S100PBP: variants seen among roughly 807,000 people sequenced by gnomAD.
The protein encoded by S100PBP is S100P-binding protein.
In S100PBP, 15 loss-of-function variants were observed where a neutral mutation model predicts 39.9. The ratio of observed to expected loss-of-function variants is 0.38; its 90% CI spans 0.25 to 0.58. The LOEUF (loss-of-function observed/expected upper bound fraction) is 0.58, where lower values mean the gene tolerates loss of function less well. Among genes scored for constraint, S100PBP ranks in the 20% least tolerant of loss-of-function variants. S100PBP has a pLI of 0.70. For missense variants in S100PBP, 504 were observed against 487.3 expected (o/e 1.03, Z -0.32); for synonymous variants, 178 against 180.3 (o/e 0.99, Z 0.10).
rs555816836 is a variant in S100PBP, at chr1:32,829,357, C to T, written c.921-607C>T. ...CTCTAGAAAGCTATTTTCTGACTAA[C>T]CTTGAATTACTCAATAAATACTTTC... is the stretch of plus-strand genomic sequence containing the variant. On this transcript the variant is annotated intron_variant, in intron 4 of 6. Coordinates refer to ENST00000373475, the MANE Select transcript of S100PBP (RefSeq NM_022753.4). 7.2e-5 allele frequency among the ~76,000 whole-genome samples: 11 copies of T among 152,330 alleles called. No homozygotes were observed. The South Asian group carries it at 2.3e-3, about 32-fold the overall frequency.
chr1:32,827,372 A>T (rs138400566), intron 3 of S100PBP, among the ~76,000 whole-genome samples: 3 of 152,206 alleles, frequency 2.0e-5, no homozygotes, highest in African/African-American at 7.2e-5. Flanking sequence ...AAGATACAGC[A>T]CTAGCTCTGA....
chr1:32,821,514 G>T (rs560287247), intron 1 of S100PBP, among the ~76,000 whole-genome samples: 54 of 151,878 alleles, frequency 3.6e-4, no homozygotes, highest in Non-Finnish European at 6.0e-4. Flanking sequence ...TAGAGTTGGG[G>T]TTTCACCAGG....
At chr1:32,848,171 G>A (rs1640460609) in intron 5 of S100PBP, among the ~76,000 whole-genome samples, 1 of 152,134 alleles carries the variant, frequency 6.6e-6, no homozygotes, top group African/African-American at 2.4e-5. Context: ...GCCGAGTATG[G>A]TGGCGGGCAC....
chr1:32,826,680 G>A lies in S100PBP; in HGVS notation c.581G>A (p.Cys194Tyr), dbSNP rs1639343996. 3.1e-6 allele frequency: 5 copies of A among 1,614,158 alleles called. No individual in the cohort carries two copies. Among genetic ancestry groups the A allele is most frequent in the Non-Finnish European group, 4.2e-6 (5 of 1,180,026 alleles). Reference protein sequence around the residue: ...DGLSPNESKLCTESEGISPNN... With the variant: ...DGLSPNESKLYTESEGISPNN... ...CTTAGCCCAAATGAAAGCAAACTTT[G>A]TACTGAATCTGAAGGGATCAGCCCC... Residue 194 changes from cysteine to tyrosine, a missense_variant, in exon 3 of 7, where the codon TGT becomes TAT. Transcript: ENST00000373475.
intron 6 of S100PBP, among the ~76,000 whole-genome samples, chr1:32,855,409 G>GT (rs1363894126): frequency 2.6e-5 from 4 of 152,142 alleles, no homozygotes; most frequent in Admixed American, 6.5e-5. Flanking sequence ...AAATTTTACT[G>GT]TGAGTCTGTG....
chr1:32,829,918 G>A (rs1376023474), intron 4 of S100PBP, 46 bp from the exon 5 acceptor site: 2 of 1,366,322 alleles, frequency 1.5e-6, no homozygotes, highest in South Asian at 1.2e-5. Context: ...CTATATTCCT[G>A]TTTCTAATGG....
At chr1:32,816,910 A>C, upstream of S100PBP, 1 of 581,488 alleles carries the variant, frequency 1.7e-6, no homozygotes, top group Non-Finnish European at 3.1e-6. Context: ...CACGTCTGGC[A>C]CTTAATAGGG....
intron 1 of S100PBP, 90 bp from the exon 2 acceptor site, chr1:32,825,223 T>C (rs930653100): frequency 1.3e-5 from 2 of 152,178 alleles, no homozygotes; most frequent in Non-Finnish European, 2.9e-5. Flanking sequence ...AATTAATACA[T>C]CGAGCACCTT....
intron 5 of S100PBP, among the ~76,000 whole-genome samples, chr1:32,843,809 C>T (rs942992348): frequency 6.6e-6 from 1 of 151,566 alleles, no homozygotes; most frequent in African/African-American, 2.4e-5. Context: ...AGGATGGTCT[C>T]GATCTCCTGA....
Position 32,845,306 on chromosome 1 carries a change from G to T in S100PBP, c.1025-7773G>T, listed in dbSNP as rs1201250152. Among the ~76,000 whole-genome samples the T allele has an allele frequency of 2.0e-5, 3 of 152,198 alleles. No homozygotes were observed. In the East Asian group the frequency reaches 5.8e-4, roughly 29 times the overall value. ...AATAGAGACAGTAGCCGAGTGTTGT[G>T]GTGGCACATACTTGTAGTCCCAGCT... On this transcript the variant is annotated intron_variant, in intron 5 of 6. Coordinates refer to ENST00000373475, the MANE Select transcript of S100PBP (RefSeq NM_022753.4).
chr1:32,829,923 TA>T, intron 4 of S100PBP, 40 bp from the exon 5 acceptor site: 1 of 1,390,328 alleles, frequency 7.2e-7, no homozygotes, highest in Non-Finnish European at 1.0e-6. Context: ...TTCCTGTTTC[TA>T]ATGGGCTGTT....
intron 5 of S100PBP, among the ~76,000 whole-genome samples, chr1:32,852,562 T>G (rs11580896): frequency 0.04 from 6,070 of 152,256 alleles, 204 homozygotes; most frequent in Non-Finnish European, 0.066. Context: ...TTGCTGTCTT[T>G]TGTCTCTGGG....
Position 32,826,663 on chromosome 1 carries a change from A to G in S100PBP, c.564A>G (p.Pro188=). The G allele has an allele frequency of 6.2e-7, 1 of 1,614,204 alleles. No individual in the cohort carries two copies. The highest frequency in any genetic ancestry group is 1.1e-5 in the South Asian group (1 of 91,090). ...AGATGAGAGAAGATGGTCTTAGCCC[A>G]AATGAAAGCAAACTTTGTACTGAAT... ...GEEMREDGLS[P]NESKLCTESE... is the part of the protein sequence containing the mutation. The change falls in exon 3 of 7, where the codon CCA becomes CCG. Residue 188 remains proline (P), a synonymous_variant. Transcript: ENST00000373475.
intron 5 of S100PBP, 89 bp from the exon 6 acceptor site, chr1:32,852,990 G>GT (rs1236634330): frequency 1.1e-6 from 1 of 876,834 alleles, no homozygotes; most frequent in East Asian, 2.4e-5. Flanking sequence ...AACAGTGCCT[G>GT]TTTTCTCTTT....
intron 3 of S100PBP, 145 bp from the exon 4 acceptor site, chr1:32,827,848 C>A: frequency 1.1e-5 from 3 of 266,112 alleles, no homozygotes; most frequent in Non-Finnish European, 2.3e-5. Context: ...ATTTGAAGCA[C>A]TACTGTTATA....
intron 5 of S100PBP, among the ~76,000 whole-genome samples, chr1:32,850,873 A>G (rs543464321): frequency 8.7e-4 from 133 of 152,340 alleles, no homozygotes; most frequent in African/African-American, 3.1e-3. Flanking sequence ...CATTTAATAA[A>G]CGTTTTTCCT....
chr1:32,830,071 A>G lies in S100PBP; in HGVS notation c.1024+4A>G. The G allele has an allele frequency of 6.4e-7, 1 of 1,562,044 alleles. No homozygotes were observed. The highest frequency in any genetic ancestry group is 8.8e-7 in the Non-Finnish European group (1 of 1,133,128). On this transcript the variant is annotated splice_donor_region_variant and intron_variant, in intron 5 of 6. Transcript: ENST00000373475. The stretch of plus-strand genomic sequence containing the variant: ...GACCCAGAGGACACTAACCAAGGTA[A>G]CATGGTACCCAGAGAAAGGCATATA...
Position 32,855,909 on chromosome 1 carries a change from T to G in S100PBP, c.1113-15T>G. ...TGAAATAGCCTTCCTGTTTGTACTCTCCCTCTCTCGATAGAAACTACGCCC... is the reference window on the plus strand; with the variant it reads ...TGAAATAGCCTTCCTGTTTGTACTCGCCCTCTCTCGATAGAAACTACGCCC... On this transcript the variant is annotated splice_polypyrimidine_tract_variant and intron_variant, in intron 6 of 6. Transcript: ENST00000373475. 1 of 1,592,598 alleles carries G rather than the reference T, an allele frequency of 6.3e-7. No homozygotes were observed. The highest frequency in any genetic ancestry group is 8.6e-7 in the Non-Finnish European group (1 of 1,161,586).
At position 32,826,279 on chromosome 1, in the gene S100PBP, A is replaced by T. The variant is rs750251812; in HGVS notation, c.180A>T (p.Ala60=). The T allele has an allele frequency of 6.2e-7, 1 of 1,614,060 alleles. No homozygotes were observed. The highest frequency in any genetic ancestry group is 8.5e-7 in the Non-Finnish European group (1 of 1,180,026). The part of the protein sequence containing the change: ...DVNYTEEEID[A]LLKEDDPSYE... ...ATTACACAGAGGAAGAGATTGATGC[A>T]CTGTTGAAGGAAGATGACCCATCAT... The change falls in exon 3 of 7, where the codon GCA becomes GCT. Residue 60 remains alanine, a synonymous_variant. Transcript: ENST00000373475.
Sources: allele counts gnomAD v4.1 joint callset (sites outside exome capture counted in the v4.1 genomes callset), GRCh38; gene constraint gnomAD v4.1.1; transcripts MANE v1.5; gene names NCBI Gene and HGNC (gene_info 2026-07-23, HGNC 2026-07-21).